Variants in PRCP observed in about 807,000 individuals in gnomAD.
The protein encoded by PRCP is lysosomal Pro-X carboxypeptidase.
Under a neutral mutation model 54.2 loss-of-function variants are expected in PRCP, and 46 were observed. That is an observed-to-expected ratio of 0.85 (90% CI 0.67 to 1.09). The LOEUF (loss-of-function observed/expected upper bound fraction) is 1.09. Among genes scored for constraint, PRCP ranks in the 50% least tolerant of loss-of-function variants. The probability of loss-of-function intolerance (pLI) is 0.00; values close to 1 mark genes in which losing one functional copy is unlikely to be tolerated. For missense variants in PRCP, 613 were observed against 596.8 expected, an observed-to-expected ratio of 1.03 and a Z score of -0.28; for synonymous variants, 240 against 212.2, an observed-to-expected ratio of 1.13 and a Z score of -1.14.
intron 1 of PRCP, among the ~76,000 whole-genome samples, chr11:82,886,439 C>T (rs1859865639): frequency 6.6e-6 from 1 of 152,136 alleles, no homozygotes; most frequent in Admixed American, 6.5e-5. Context: ...TGCACACCAC[C>T]ATGCCTGGCT....
intron 8 of PRCP, among the ~76,000 whole-genome samples, chr11:82,834,873 G>A (rs1014460971): frequency 1.3e-5 from 2 of 152,166 alleles, no homozygotes; most frequent in African/African-American, 2.4e-5. Context: ...TCAGGAGTTT[G>A]GGACCAGCCT....
chr11:82,877,889 C>A (rs1209038276), intron 1 of PRCP, among the ~76,000 whole-genome samples: 1 of 152,134 alleles, frequency 6.6e-6, no homozygotes, highest in East Asian at 1.9e-4. Context: ...CCACTGACAG[C>A]TTGTACCGTG....
intron 6 of PRCP, among the ~76,000 whole-genome samples, chr11:82,848,698 A>G (rs1207399968): frequency 6.6e-6 from 1 of 152,246 alleles, no homozygotes; most frequent in Admixed American, 6.5e-5. Flanking sequence ...AGTTACACAT[A>G]TATCACAAAG....
At chr11:82,881,819 C>T (rs1565233950) in intron 1 of PRCP, among the ~76,000 whole-genome samples, 1 of 152,076 alleles carries the variant, frequency 6.6e-6, no homozygotes. Flanking sequence ...CCTTGAACAA[C>T]AGGGTGATTA....
Position 82,860,088 on chromosome 11 carries a change from T to G in PRCP, c.198A>C (p.Lys66Asn), listed in dbSNP as rs1350958924. 1 of 1,559,366 alleles carries G rather than the reference T, an allele frequency of 6.4e-7. No individual in the cohort carries two copies. The highest frequency in any genetic ancestry group is 1.9e-5 in the Admixed American group (1 of 52,684). ...CTACTAGGTACCGCTGATTAAAAGT[T>G]TTCACAGTATTAAATCCAAAATGAT... is the stretch of plus-strand genomic sequence containing the variant. Reference protein sequence around the residue: ...KVDHFGFNTVKTFNQRYLVAD... With the variant: ...KVDHFGFNTVNTFNQRYLVAD... The change falls in exon 2 of 9, where the codon AAA (lysine) becomes AAC (asparagine). Residue 66 changes from lysine to asparagine, a missense_variant. Physicochemically the swap from Lys to Asn is moderately conservative, Grantham distance 94. Transcript: ENST00000313010.
In PRCP at chr11:82,853,239, A is replaced by G. The variant is rs1859001819; in HGVS notation, c.349T>C (p.Leu117=). The stretch of plus-strand genomic sequence containing the variant: ...TAGTATCGATGTTCAGCAAACACCA[A>G]CATAGCTTTCAGTTCCTCAGCCACA... The part of the protein sequence containing the change: ...WDVAEELKAM[L]VFAEHRYYGE... The change falls in exon 3 of 9, where the codon TTG becomes CTG. Residue 117 remains leucine (L), a synonymous_variant. Coordinates refer to ENST00000313010, the MANE Select transcript of PRCP (RefSeq NM_005040.4). 1 of 1,613,326 alleles carries G rather than the reference A, an allele frequency of 6.2e-7. No individual in the cohort carries two copies. The highest frequency in any genetic ancestry group is 1.3e-5 in the African/African-American group (1 of 74,904).
intron 1 of PRCP, among the ~76,000 whole-genome samples, chr11:82,883,515 T>A (rs1859798347): frequency 6.6e-6 from 1 of 152,192 alleles, no homozygotes; most frequent in African/African-American, 2.4e-5. Context: ...GCAGATTTAT[T>A]TCTCTGATTA....
Position 82,824,093 on chromosome 11 carries a change from G to A in PRCP, c.*813C>T, listed in dbSNP as rs539501807. On this transcript the variant is annotated 3_prime_UTR_variant, in exon 9 of 9. Transcript: ENST00000313010. ...ATATAATTAGTGACTACAGCATAAA[G>A]CTTGCTCAGATTTAAAAAGACAAAA... The A allele has an allele frequency of 7.2e-5, 11 of 152,268 alleles. No homozygotes were observed. The highest frequency in any genetic ancestry group is 2.4e-4 in the African/African-American group (10 of 41,548). 9.4% of individuals were successfully genotyped at this position (152,268 alleles called of 1,614,324 possible). A position where few individuals can be genotyped will look rare whatever the true frequency, so the allele number is the denominator to read the frequency against.
At position 82,824,528 on chromosome 11, in the gene PRCP, T is replaced by C. The variant is rs1442996091; in HGVS notation, c.*378A>G. 1.3e-5 allele frequency: 3 copies of C among 231,912 alleles called. No individual in the cohort carries two copies. The highest frequency in any genetic ancestry group is 1.2e-4 in the East Asian group (1 of 8,534). 14.4% of individuals were successfully genotyped at this position (231,912 alleles called of 1,614,324 possible). A position where few individuals can be genotyped will look rare whatever the true frequency, so the allele number is the denominator to read the frequency against. On this transcript the variant is annotated 3_prime_UTR_variant, in exon 9 of 9. Transcript: ENST00000313010. ...GCTTTTACTTTGTGTAGGGTAGGGATGGGGACTTACAAATGGGCCAAAGAC... is the reference window on the plus strand; with the variant it reads ...GCTTTTACTTTGTGTAGGGTAGGGACGGGGACTTACAAATGGGCCAAAGAC...
chr11:82,894,557 T>C (rs1268890780), intron 1 of PRCP, among the ~76,000 whole-genome samples: 1 of 152,180 alleles, frequency 6.6e-6, no homozygotes, highest in Non-Finnish European at 1.5e-5. Flanking sequence ...TACAATGAGA[T>C]CTAGAGGGTT....
Position 82,825,029 on chromosome 11 carries a change from G to A in PRCP, c.1368C>T (p.His456=). The change falls in exon 9 of 9, where the codon CAC becomes CAT. Residue 456 remains histidine (H), a synonymous_variant. Coordinates refer to ENST00000313010, the MANE Select transcript of PRCP (RefSeq NM_005040.4). ...VAVTISEGAH[H]LDLRTKNALD... ...AGGCATTCTTGGTGCGGAGATCTAA[G>A]TGGTGGGCCCCCTCTGAGATGGTGA... 2.5e-6 allele frequency: 4 copies of A among 1,614,134 alleles called. No homozygotes were observed. Among genetic ancestry groups the A allele is most frequent in the Non-Finnish European group, 3.4e-6 (4 of 1,180,006 alleles).
chr11:82,890,976 T>C (rs1264869771), intron 1 of PRCP, among the ~76,000 whole-genome samples: 1 of 152,210 alleles, frequency 6.6e-6, no homozygotes, highest in African/African-American at 2.4e-5. Flanking sequence ...AAAGAAAAGA[T>C]CATCTTCACT....
intron 1 of PRCP, among the ~76,000 whole-genome samples, chr11:82,890,434 C>T (rs1247135495): frequency 6.6e-6 from 1 of 152,174 alleles, no homozygotes; most frequent in African/African-American, 2.4e-5. Context: ...ACTGTTCATG[C>T]TCTTGTTTTT....
At chr11:82,838,057 A>C (rs1339713950) in intron 8 of PRCP, among the ~76,000 whole-genome samples, 1 of 152,216 alleles carries the variant, frequency 6.6e-6, no homozygotes, top group Non-Finnish European at 1.5e-5. Context: ...GAATACTGAA[A>C]ATTTTTTATT....
rs1363207582 is a variant in PRCP, at chr11:82,838,512, G to A, written c.1149C>T (p.His383=). Residue 383 remains histidine (H), a synonymous_variant, in exon 8 of 9, where the codon CAC becomes CAT. Transcript: ENST00000313010. The stretch of plus-strand genomic sequence containing the variant: ...CAGAAAGTTCCTTTAAGTTCCATGA[G>A]TGAGGTTCAAACATGTCATCGACAC... The part of the protein sequence containing the change: ...TNGVDDMFEP[H]SWNLKELSDD... 2 of 1,614,116 alleles carry A rather than the reference G, an allele frequency of 1.2e-6. No individual in the cohort carries two copies. Among genetic ancestry groups the A allele is most frequent in the East Asian group, 2.2e-5 (1 of 44,884 alleles).
chr11:82,875,553 A>G (rs1416144361), intron 1 of PRCP, among the ~76,000 whole-genome samples: 1 of 152,208 alleles, frequency 6.6e-6, no homozygotes, highest in Non-Finnish European at 1.5e-5. Context: ...AGCAAAGACA[A>G]GGCTCTTTCA....
intron 1 of PRCP, among the ~76,000 whole-genome samples, chr11:82,873,232 A>C (rs1481324831): frequency 2.0e-5 from 3 of 152,230 alleles, no homozygotes; most frequent in Non-Finnish European, 4.4e-5. Flanking sequence ...CTCCAAAGTC[A>C]TAATACACCC....
chr11:82,867,026 A>G (rs1292972653), intron 1 of PRCP, among the ~76,000 whole-genome samples: 1 of 152,144 alleles, frequency 6.6e-6, no homozygotes, highest in Non-Finnish European at 1.5e-5. Context: ...CCGGCCATAG[A>G]TAATTGCTCA....
upstream of PRCP, chr11:82,900,500 G>T: frequency 1.4e-6 from 2 of 1,459,768 alleles, no homozygotes; most frequent in Non-Finnish European, 1.9e-6. Flanking sequence ...TCCGCCCGCC[G>T]CAAAACAGCT....
Sources: allele counts gnomAD v4.1 joint callset (sites outside exome capture counted in the v4.1 genomes callset), GRCh38; gene constraint gnomAD v4.1.1; transcripts MANE v1.5; gene names NCBI Gene and HGNC (gene_info 2026-07-23, HGNC 2026-07-21).